The following NSMAF variants were observed in gnomAD, a reference collection of about 807,000 sequenced individuals.
The protein encoded by NSMAF is protein FAN.
Under a neutral mutation model 134.9 loss-of-function variants are expected in NSMAF, and 90 were observed. The observed-to-expected ratio is 0.67, with a 90% CI of 0.56 to 0.79. The LOEUF is 0.79. NSMAF is among the 30% of genes least tolerant of loss of function. The pLI, the probability that NSMAF is intolerant of heterozygous loss-of-function variation, is 0.00. For synonymous variants in NSMAF, 358 were observed against 389.6 expected (o/e 0.92, Z 0.96); for missense variants, 1,010 against 1,119.0 (o/e 0.90, Z 1.39).
rs763973478 is a variant in NSMAF, at chr8:58,599,958, T to C, written c.1332+12A>G. 6.2e-7 allele frequency: 1 copy of C among 1,613,798 alleles called. No homozygotes were observed. The highest frequency in any genetic ancestry group is 1.1e-5 in the South Asian group (1 of 91,052). ...CAAGTCCAGTTACTCATCAGCTTTA[T>C]TAACTGCTTACCTCTTTAAAATCCG... On this transcript the variant is annotated intron_variant, in intron 17 of 30. Coordinates refer to ENST00000038176, the MANE Select transcript of NSMAF (RefSeq NM_003580.4).
intron 1 of NSMAF, among the ~76,000 whole-genome samples, chr8:58,651,108 T>C (rs543189517): frequency 6.6e-6 from 1 of 152,216 alleles, no homozygotes; most frequent in African/African-American, 2.4e-5. Context: ...TCCTTTTCAA[T>C]AGGTCTGCAG....
At chr8:58,590,576 A>G (rs1011831046) in intron 24 of NSMAF, among the ~76,000 whole-genome samples, 6 of 152,248 alleles carry the variant, frequency 3.9e-5, no homozygotes, top group East Asian at 1.9e-4. Context: ...TAAGTAGCAC[A>G]TAACATTTAG....
chr8:58,631,445 G>T, intron 6 of NSMAF, 51 bp downstream of exon 6: 2 of 1,122,750 alleles, frequency 1.8e-6, no homozygotes, highest in Non-Finnish European at 1.3e-6. Flanking sequence ...AAATTTTATT[G>T]TTCAAAATGA....
In NSMAF at chr8:58,623,287, C is replaced by T. The variant is rs760202353; in HGVS notation, c.505-15G>A. 1 of 1,594,548 alleles carries T rather than the reference C, an allele frequency of 6.3e-7. No individual in the cohort carries two copies. Among genetic ancestry groups the T allele is most frequent in the African/African-American group, 1.4e-5 (1 of 71,494 alleles). ...ATAGCTGTTATCTATTAAAACAGAA[C>T]CAGAAAAAAAGTATTTATAAGTATT... On this transcript the variant is annotated splice_polypyrimidine_tract_variant and intron_variant, in intron 8 of 30. Transcript: ENST00000038176.
At chr8:58,659,145 G>T in intron 1 of NSMAF, 4 of 1,221,990 alleles carry the variant, frequency 3.3e-6, no homozygotes, top group Non-Finnish European at 4.1e-6. Context: ...GCCTGGACCC[G>T]ATTAAGGGGA....
chr8:58,650,607 T>A (rs1042249926), intron 1 of NSMAF, among the ~76,000 whole-genome samples: 1 of 152,172 alleles, frequency 6.6e-6, no homozygotes, highest in African/African-American at 2.4e-5. Context: ...ACAGCACCTA[T>A]CTTTTTTGTT....
chr8:58,608,712 C>CAGTG (rs1254922592), intron 10 of NSMAF, among the ~76,000 whole-genome samples: 2 of 152,208 alleles, frequency 1.3e-5, no homozygotes, highest in Non-Finnish European at 2.9e-5. Context: ...TAGCAGCATG[C>CAGTG]AGTGTCTACT....
chr8:58,640,717 CT>C (rs1439140779), intron 2 of NSMAF, among the ~76,000 whole-genome samples: 1 of 151,850 alleles, frequency 6.6e-6, no homozygotes, highest in Non-Finnish European at 1.5e-5. Context: ...CTTGTCTTTT[CT>C]TTTTTTAATA....
At chr8:58,598,756 C>T (rs1378942413) in intron 19 of NSMAF, among the ~76,000 whole-genome samples, 1 of 152,126 alleles carries the variant, frequency 6.6e-6, no homozygotes, top group African/African-American at 2.4e-5. Flanking sequence ...GGCGCAGTGG[C>T]TCACACCTGT....
chr8:58,636,374 A>T (rs1807174253), intron 2 of NSMAF, among the ~76,000 whole-genome samples: 1 of 152,224 alleles, frequency 6.6e-6, no homozygotes, highest in African/African-American at 2.4e-5. Context: ...CACTCTAAGA[A>T]ATTAATAATT....
intron 1 of NSMAF, among the ~76,000 whole-genome samples, chr8:58,647,519 C>A (rs921708224): frequency 6.6e-6 from 1 of 152,164 alleles, no homozygotes; most frequent in East Asian, 1.9e-4. Flanking sequence ...GGTGGAGGCC[C>A]GGTAGGAGGT....
At position 58,587,712 on chromosome 8, in the gene NSMAF, A is replaced by T. The variant is rs1805923171; in HGVS notation, c.2212-11T>A. The T allele has an allele frequency of 6.2e-7, 1 of 1,610,682 alleles. No individual in the cohort carries two copies. The highest frequency in any genetic ancestry group is 1.7e-5 in the Admixed American group (1 of 59,644). ...AACACCAGACCACACCTAGGATGGA[A>T]CATATTGCAGAAGGTATTTTCAAAC... On this transcript the variant is annotated splice_polypyrimidine_tract_variant and intron_variant, in intron 26 of 30. Coordinates refer to ENST00000038176, the MANE Select transcript of NSMAF (RefSeq NM_003580.4).
intron 2 of NSMAF, chr8:58,637,240 G>A (rs1013311555): frequency 4.5e-6 from 2 of 443,262 alleles, no homozygotes; most frequent in African/African-American, 4.0e-5. Flanking sequence ...TTACTTGCCA[G>A]TATGACAGGA....
At chr8:58,595,246 C>G (rs1318288912) in intron 22 of NSMAF, among the ~76,000 whole-genome samples, 1 of 152,162 alleles carries the variant, frequency 6.6e-6, no homozygotes, top group Admixed American at 6.5e-5. Flanking sequence ...ATCAAAGATT[C>G]AAGGAGCTGT....
chr8:58,599,713 C>T (rs1464385875), intron 18 of NSMAF, 37 bp downstream of exon 18: 1 of 1,589,486 alleles, frequency 6.3e-7, no homozygotes, highest in East Asian at 2.2e-5. Context: ...CTTGGTAAAG[C>T]ATGTCTATAA....
intron 22 of NSMAF, 28 bp downstream of exon 22, chr8:58,595,532 T>C: frequency 6.6e-7 from 1 of 1,509,270 alleles, no homozygotes; most frequent in Non-Finnish European, 9.2e-7. Context: ...GACTATCAGC[T>C]GCTGAGAAGA....
chr8:58,641,533 G>A lies in NSMAF; in HGVS notation c.149+1451C>T, dbSNP rs192585569. On this transcript the variant is annotated intron_variant, in intron 2 of 30. Transcript: ENST00000038176. ...TATGACACACAGTATCCTGTCCCTT[G>A]CTTTTTACACTTAATACATGTAGAG... Among the ~76,000 whole-genome samples, 690 of 152,236 alleles carry A rather than the reference G, an allele frequency of 4.5e-3. 5 individuals are homozygous for A. Among genetic ancestry groups the A allele is most frequent in the Admixed American group, 0.011 (164 of 15,294 alleles).
At chr8:58,599,403 AT>A (rs750167211) in intron 18 of NSMAF, 40 bp from the exon 19 acceptor site, 2 of 1,603,192 alleles carry the variant, frequency 1.2e-6, no homozygotes, top group South Asian at 1.1e-5. Flanking sequence ...TGGAGTCTTC[AT>A]TTTTTTCCTC....
intron 6 of NSMAF, 104 bp from the exon 7 acceptor site, chr8:58,623,884 T>G: frequency 1.2e-6 from 1 of 860,222 alleles, no homozygotes; most frequent in Non-Finnish European, 1.9e-6. Context: ...AAAATCTGCA[T>G]GTTTTACCTA....
Sources: allele counts gnomAD v4.1 joint callset (sites outside exome capture counted in the v4.1 genomes callset), GRCh38; gene constraint gnomAD v4.1.1; transcripts MANE v1.5; gene names NCBI Gene and HGNC (gene_info 2026-07-23, HGNC 2026-07-21).